Variants in TGFBR3 observed in about 807,000 individuals in gnomAD.
TGFBR3 encodes the protein transforming growth factor beta receptor 3, also known as transforming growth factor beta receptor type 3.
TGFBR3 carries 46 observed loss-of-function variants against 87.9 expected under a neutral mutation model. That is an observed-to-expected ratio of 0.52 (90% confidence interval 0.41 to 0.67). The LOEUF (loss-of-function observed/expected upper bound fraction) is 0.67. TGFBR3 is among the 30% of genes least tolerant of loss of function. The probability of loss-of-function intolerance (pLI) is 0.00; values close to 1 mark genes in which losing one functional copy is unlikely to be tolerated. For synonymous variants in TGFBR3, 381 were observed against 391.6 expected (o/e 0.97, Z 0.32); for missense variants, 866 against 1,041.9 (o/e 0.83, Z 2.32).
rs1207405928 is a variant in TGFBR3, at chr1:91,833,303, A to AAAAAC, written c.61+28167_61+28168insGTTTT. On this transcript the variant is annotated intron_variant, in intron 2 of 16. Coordinates refer to ENST00000212355, the MANE Select transcript of TGFBR3 (RefSeq NM_003243.5). ...AGTAGGAGACTCCGACTCAAAAAAA[A>AAAAAC]AAAAAAAAAAAAACAGGCCTGGTAA... Among the ~76,000 whole-genome samples, 83 of 141,794 alleles carry AAAAAC rather than the reference A, an allele frequency of 5.9e-4. 5 individuals carry two copies. The South Asian group carries it at 0.013, about 22-fold the overall frequency. 93.0% of individuals were successfully genotyped at this position (141,794 alleles called of 152,430 possible). A position where few individuals can be genotyped will look rare whatever the true frequency, so the allele number is the denominator to read the frequency against.
intron 6 of TGFBR3, among the ~76,000 whole-genome samples, chr1:91,728,888 C>A (rs1304002596): frequency 6.6e-6 from 1 of 152,044 alleles, no homozygotes; most frequent in African/African-American, 2.4e-5. Context: ...TCTCCTTTTT[C>A]TTTAATTCCC....
chr1:91,789,049 G>A (rs981829045), intron 3 of TGFBR3, among the ~76,000 whole-genome samples: 2 of 152,166 alleles, frequency 1.3e-5, no homozygotes, highest in Admixed American at 1.3e-4. Context: ...TGTAATCCCA[G>A]CACTTTGGGA....
At chr1:91,799,501 C>T (rs377762449) in intron 2 of TGFBR3, among the ~76,000 whole-genome samples, 1 of 152,202 alleles carries the variant, frequency 6.6e-6, no homozygotes, top group African/African-American at 2.4e-5. Context: ...GTCTGGTATA[C>T]TTCACACCCA....
At chr1:91,790,087 G>A (rs916206015) in intron 3 of TGFBR3, among the ~76,000 whole-genome samples, 2 of 152,124 alleles carry the variant, frequency 1.3e-5, no homozygotes, top group African/African-American at 4.8e-5. Flanking sequence ...CAGGTGGGGA[G>A]AGACAGAGAA....
intron 2 of TGFBR3, among the ~76,000 whole-genome samples, chr1:91,808,367 G>A (rs1392474800): frequency 5.3e-5 from 8 of 152,168 alleles, no homozygotes; most frequent in Non-Finnish European, 7.3e-5. Context: ...GCGAGAACAG[G>A]CCATGTTTCT....
At chr1:91,757,692 T>C (rs971910817) in intron 4 of TGFBR3, among the ~76,000 whole-genome samples, 6 of 152,368 alleles carry the variant, frequency 3.9e-5, no homozygotes, top group Admixed American at 1.3e-4. Context: ...GTATTGACTA[T>C]GGATTCTTAC....
intron 2 of TGFBR3, among the ~76,000 whole-genome samples, chr1:91,830,689 C>A (rs1373334131): frequency 1.3e-5 from 2 of 152,090 alleles, no homozygotes; most frequent in Non-Finnish European, 2.9e-5. Flanking sequence ...GGGTCCAATA[C>A]CCCACCCCTG....
At chr1:91,838,647 TTTTAGTA>T (rs1381041686) in intron 2 of TGFBR3, among the ~76,000 whole-genome samples, 4 of 151,568 alleles carry the variant, frequency 2.6e-5, no homozygotes, top group Non-Finnish European at 5.9e-5. Context: ...TTTTTGTATT[TTTTAGTA>T]GAGACAGGGT....
intron 3 of TGFBR3, among the ~76,000 whole-genome samples, chr1:91,762,462 T>C (rs938518740): frequency 2.2e-4 from 33 of 152,162 alleles, no homozygotes; most frequent in Admixed American, 2.0e-4. Flanking sequence ...GGTCTTAAGA[T>C]GTCATCCTTT....
At chr1:91,903,942 G>C (rs1397794000) in intron 1 of TGFBR3, among the ~76,000 whole-genome samples, 1 of 152,084 alleles carries the variant, frequency 6.6e-6, no homozygotes, top group African/African-American at 2.4e-5. Context: ...GGGAGGCCTA[G>C]GCGGGCAGAC....
chr1:91,877,046 C>T (rs533657311), intron 1 of TGFBR3, among the ~76,000 whole-genome samples: 194 of 152,252 alleles, frequency 1.3e-3, no homozygotes, highest in Non-Finnish European at 2.4e-3. Flanking sequence ...AACTACAGAA[C>T]CTCAACCTTA....
chr1:91,890,405 TAATC>T (rs1557765288), upstream of TGFBR3, among the ~76,000 whole-genome samples: 1 of 130,208 alleles, frequency 7.7e-6, no homozygotes, highest in Non-Finnish European at 1.6e-5. Context: ...TGTTTCTCTA[TAATC>T]TTTTTTTTTT....
intron 14 of TGFBR3, among the ~76,000 whole-genome samples, chr1:91,700,707 C>A (rs565552340): frequency 6.6e-6 from 1 of 152,334 alleles, no homozygotes; most frequent in Non-Finnish European, 1.5e-5. Context: ...ATGCACTACC[C>A]TGGGAGCTGG....
At chr1:91,738,412 C>A (rs924966138) in intron 4 of TGFBR3, among the ~76,000 whole-genome samples, 1 of 152,128 alleles carries the variant, frequency 6.6e-6, no homozygotes, top group Non-Finnish European at 1.5e-5. Context: ...GGGGGCAGAT[C>A]CCCCCATGAA....
rs887749285 is a variant in TGFBR3, at chr1:91,825,388, G to T, written c.62-27917C>A. Among the ~76,000 whole-genome samples, 11 of 152,316 alleles carry T rather than the reference G, an allele frequency of 7.2e-5. No homozygotes were observed. The East Asian group carries it at 2.1e-3, about 29-fold the overall frequency. On this transcript the variant is annotated intron_variant, in intron 2 of 16. Transcript: ENST00000212355. ...TAAGTGAAAGAAATTGGTCACAAAA[G>T]GCCACATATGGCATGACTCCATTTC... is the stretch of plus-strand genomic sequence containing the variant.
chr1:91,732,620 T>C (rs1672814981), intron 5 of TGFBR3, among the ~76,000 whole-genome samples: 1 of 152,170 alleles, frequency 6.6e-6, no homozygotes, highest in South Asian at 2.1e-4. Flanking sequence ...CATATCACTT[T>C]ATGGTCCACT....
intron 2 of TGFBR3, among the ~76,000 whole-genome samples, chr1:91,836,558 G>A (rs1677076748): frequency 6.6e-6 from 1 of 152,154 alleles, no homozygotes; most frequent in South Asian, 2.1e-4. Flanking sequence ...CCTGCTGGCA[G>A]TGAGGAGCAT....
chr1:91,714,664 A>C (rs1466488810), intron 12 of TGFBR3, among the ~76,000 whole-genome samples: 5 of 152,246 alleles, frequency 3.3e-5, no homozygotes, highest in Admixed American at 3.3e-4. Flanking sequence ...TGATTAGCAT[A>C]AATCAGCAAA....
At chr1:91,752,899 T>G (rs942980127) in intron 4 of TGFBR3, among the ~76,000 whole-genome samples, 2 of 151,392 alleles carry the variant, frequency 1.3e-5, no homozygotes, top group African/African-American at 4.9e-5. Context: ...TGGGGGTACA[T>G]GCCTGTAATC....
Sources: allele counts gnomAD v4.1 joint callset (sites outside exome capture counted in the v4.1 genomes callset), GRCh38; gene constraint gnomAD v4.1.1; transcripts MANE v1.5; gene names NCBI Gene and HGNC (gene_info 2026-07-23, HGNC 2026-07-21).